Variants in CACNB1 observed in about 807,000 individuals in gnomAD.
CACNB1 encodes the protein calcium voltage-gated channel auxiliary subunit beta 1, also known as voltage-dependent L-type calcium channel subunit beta-1.
Under a neutral mutation model 71.6 loss-of-function variants are expected in CACNB1, and 29 were observed. The ratio of observed to expected loss-of-function variants is 0.40; its 90% CI spans 0.30 to 0.55. The LOEUF is 0.55. CACNB1 is among the 20% of genes least tolerant of loss of function. CACNB1 has a pLI of 0.38. For synonymous variants in CACNB1, 300 were observed against 319.6 expected (o/e 0.94, Z 0.65); for missense variants, 623 against 801.8 (o/e 0.78, Z 2.69).
At chr17:39,187,139 C>T in intron 4 of CACNB1, 1 of 614,030 alleles carries the variant, frequency 1.6e-6, no homozygotes. Context: ...CATGGACCAC[C>T]CTGCCACCGG....
intron 11 of CACNB1, among the ~76,000 whole-genome samples, chr17:39,180,262 C>CA (rs113605525): frequency 0.01 from 1,182 of 116,330 alleles, 7 homozygotes; most frequent in Middle Eastern, 0.019. Flanking sequence ...GACCCTAGCT[C>CA]AAAAAAAAAA....
chr17:39,195,990 T>C (rs1308890461), intron 1 of CACNB1, among the ~76,000 whole-genome samples: 1 of 152,172 alleles, frequency 6.6e-6, no homozygotes, highest in Non-Finnish European at 1.5e-5. Flanking sequence ...TAAGAAGAGC[T>C]GCTTCTGGCC....
rs1382155033 is a variant in CACNB1, at chr17:39,177,543, G to A, written c.1147-8C>T. On this transcript the variant is annotated splice_region_variant and splice_polypyrimidine_tract_variant and intron_variant, in intron 12 of 13. Coordinates refer to ENST00000394303, the MANE Select transcript of CACNB1 (RefSeq NM_000723.5). ...GATGATGTCAAACATTTCCTGTGAA[G>A]GCGGGGTTAGGGGGCAGGGCTGGGA... The A allele has an allele frequency of 2.5e-6, 4 of 1,574,764 alleles. No individual in the cohort carries two copies. Among genetic ancestry groups the A allele is most frequent in the Non-Finnish European group, 3.5e-6 (4 of 1,157,682 alleles).
Position 39,191,476 on chromosome 17 carries a change from T to C in CACNB1, c.289A>G (p.Lys97Glu). 6.2e-7 allele frequency: 1 copy of C among 1,602,318 alleles called. No individual in the cohort carries two copies. Among genetic ancestry groups the C allele is most frequent in the African/African-American group, 1.3e-5 (1 of 74,192 alleles). ...RQALAQLEKA[K>E]TKPVAFAVRT... ...GCCCCTCCCCACATCTTTCTCACCTTGGCCTTCTCGAGCTGCGCTAATGCC... is the reference window on the plus strand; with the variant it reads ...GCCCCTCCCCACATCTTTCTCACCTCGGCCTTCTCGAGCTGCGCTAATGCC... Residue 97 changes from lysine (K) to glutamate (E), a missense_variant and splice_region_variant, in exon 3 of 14, where the codon AAG (lysine) becomes GAG (glutamate). Coordinates refer to ENST00000394303, the MANE Select transcript of CACNB1 (RefSeq NM_000723.5).
intron 2 of CACNB1, chr17:39,193,219 C>G (rs953882458): frequency 2.1e-5 from 6 of 287,952 alleles, no homozygotes; most frequent in Non-Finnish European, 3.5e-5. Flanking sequence ...CGGGCAGACA[C>G]ACACACATAT....
rs1324019362 is a variant in CACNB1, at chr17:39,187,885, T to A, written c.292-284A>T. Among the ~76,000 whole-genome samples, 4 of 151,688 alleles carry A rather than the reference T, an allele frequency of 2.6e-5. No individual in the cohort carries two copies. The East Asian group carries it at 7.8e-4, about 29-fold the overall frequency. On this transcript the variant is annotated intron_variant, in intron 3 of 13. Transcript: ENST00000394303. The stretch of plus-strand genomic sequence containing the variant: ...AAAATTAGCCAGGCGTGGTGGTGGG[T>A]GCCTATAATCCCAGCTACTCAGGAG...
chr17:39,190,600 G>A (rs1338341720), intron 3 of CACNB1, among the ~76,000 whole-genome samples: 3 of 151,560 alleles, frequency 2.0e-5, no homozygotes, highest in Non-Finnish European at 4.4e-5. Context: ...GCTACGTTTT[G>A]TATTTTTAGT....
chr17:39,187,557 A>C lies in CACNB1; in HGVS notation c.336T>G (p.Asn112Lys), dbSNP rs775390676. 2.5e-6 allele frequency: 4 copies of C among 1,614,166 alleles called. No homozygotes were observed. Residue 112 changes from asparagine to lysine, a missense_variant, in exon 4 of 14, where the codon AAT becomes AAG. Physicochemically the swap from Asn to Lys is moderately conservative, Grantham distance 94 (BLOSUM62 0). Coordinates refer to ENST00000394303, the MANE Select transcript of CACNB1 (RefSeq NM_000723.5). ...CAGGCACCTCATCCCCTGGAGACGGATTGTAGCCAACATTTGTCCGCACAG... is the reference window on the plus strand; with the variant it reads ...CAGGCACCTCATCCCCTGGAGACGGCTTGTAGCCAACATTTGTCCGCACAG... ...AFAVRTNVGYNPSPGDEVPVQ... is the reference protein window; with the variant it reads ...AFAVRTNVGYKPSPGDEVPVQ...
In CACNB1 at chr17:39,186,441, A is replaced by G. The variant is rs2144139441; in HGVS notation, c.628+55T>C. On this transcript the variant is annotated intron_variant, in intron 6 of 13. Transcript: ENST00000394303. This position sits in a 1 kb window ranked among gnomAD's most constrained non-coding sequence, Gnocchi z 4.1. ...GGAAAGGAGGATTCAGGGAGTGGGG[A>G]GACCACCCCACCCAGGAGCTTCTTC... 7.5e-7 allele frequency: 1 copy of G among 1,325,984 alleles called. No homozygotes were observed. The highest frequency in any genetic ancestry group is 1.4e-5 in the African/African-American group (1 of 69,536). 82.1% of individuals were successfully genotyped at this position (1,325,984 alleles called of 1,614,324 possible).
In CACNB1 at chr17:39,175,243, G is replaced by A. The variant is rs554707348; in HGVS notation, c.1747C>T (p.Arg583Cys). Residue 583 changes from arginine (R) to cysteine (C), a missense_variant, in exon 14 of 14, where the codon CGC (arginine) becomes TGC (cysteine). Transcript: ENST00000394303. The surrounding 1 kb of genome is among the most constrained non-coding windows in gnomAD (Gnocchi z 4.7). Reference protein sequence around the residue: ...CAEGGGPVLGRNKNELEGWGR... With the variant: ...CAEGGGPVLGCNKNELEGWGR... ...CAGCCCTCCAGCTCATTCTTGTTGC[G>A]CCCCAAAACTGGACCCCCACCCTCA... 1.3e-4 allele frequency: 211 copies of A among 1,613,838 alleles called. 3 individuals are homozygous for A. The Middle Eastern group carries it at 3.3e-3, about 25-fold the overall frequency.
In CACNB1 at chr17:39,183,755, C is replaced by T. The variant is rs532308568; in HGVS notation, c.1008G>A (p.Ser336=). Residue 336 remains serine (S), a synonymous_variant, in exon 11 of 14, where the codon TCG becomes TCA. Transcript: ENST00000394303. The part of the protein sequence containing the change: ...INHPAQLSKT[S]LAPIIVYIKI... ...TGATGTAAACAATGATGGGGGCCAG[C>T]GAGGTCTTGGACAGCTGGGCTGGGT... The T allele has an allele frequency of 5.8e-5, 93 of 1,612,830 alleles. No homozygotes were observed. Among genetic ancestry groups the T allele is most frequent in the Admixed American group, 2.2e-4 (13 of 59,790 alleles).
In CACNB1 at chr17:39,175,040, G is replaced by A. The variant is rs1289551898; in HGVS notation, c.*153C>T. 1 of 681,956 alleles carries A rather than the reference G, an allele frequency of 1.5e-6. No homozygotes were observed. Among genetic ancestry groups the A allele is most frequent in the Admixed American group, 2.9e-5 (1 of 34,808 alleles). The allele number at this position is 681,956 out of a possible 1,614,324, so 42.2% of individuals were successfully genotyped here. On this transcript the variant is annotated 3_prime_UTR_variant, in exon 14 of 14. Coordinates refer to ENST00000394303, the MANE Select transcript of CACNB1 (RefSeq NM_000723.5). The surrounding 1 kb of genome is among the most constrained non-coding windows in gnomAD (Gnocchi z 4.7). Reference sequence around the variant, plus strand: ...TAAGGGCCTCCCGGGAGCTGGGATGGTAACACCAAAGAAACCCCAAGCTTT... The same window carrying A: ...TAAGGGCCTCCCGGGAGCTGGGATGATAACACCAAAGAAACCCCAAGCTTT...
At chr17:39,188,928 G>T (rs2046007004) in intron 3 of CACNB1, among the ~76,000 whole-genome samples, 1 of 151,616 alleles carries the variant, frequency 6.6e-6, no homozygotes, top group African/African-American at 2.4e-5. Flanking sequence ...CTGTAATCTT[G>T]GCTACTTGGG....
In CACNB1 at chr17:39,195,118, G is replaced by C. The variant is rs989797756; in HGVS notation, c.85-148C>G. ...CTGCACATTCCTCCTGAGGTGGTAC[G>C]ACCCAAGGGGAGGGAGGGTCTCCCA... On this transcript the variant is annotated intron_variant, in intron 1 of 13. Coordinates refer to ENST00000394303, the MANE Select transcript of CACNB1 (RefSeq NM_000723.5). 3.7e-5 allele frequency: 22 copies of C among 590,680 alleles called. No homozygotes were observed. The South Asian group carries it at 4.2e-4, about 11-fold the overall frequency. 36.6% of individuals were successfully genotyped at this position (590,680 alleles called of 1,614,324 possible). A position where few individuals can be genotyped will look rare whatever the true frequency, so the allele number is the denominator to read the frequency against.
Position 39,187,439 on chromosome 17 carries a change from T to A in CACNB1, c.414+40A>T, listed in dbSNP as rs745674582. ...TCCACTAGCACTCTGGCTGCCTGTCTCCTGGCACCCACTTCCCTGCCCTCC... is the reference window on the plus strand; with the variant it reads ...TCCACTAGCACTCTGGCTGCCTGTCACCTGGCACCCACTTCCCTGCCCTCC... On this transcript the variant is annotated intron_variant, in intron 4 of 13. Coordinates refer to ENST00000394303, the MANE Select transcript of CACNB1 (RefSeq NM_000723.5). 11 of 1,611,214 alleles carry A rather than the reference T, an allele frequency of 6.8e-6. No homozygotes were observed. The South Asian group carries it at 9.9e-5, about 14-fold the overall frequency.
At chr17:39,191,353 G>A in intron 3 of CACNB1, 121 bp downstream of exon 3, 2 of 909,210 alleles carry the variant, frequency 2.2e-6, no homozygotes, top group Non-Finnish European at 3.3e-6. Context: ...AGAGGAGCAA[G>A]GTTCAGGGGT....
At chr17:39,178,720 T>C (rs1597685295) in intron 11 of CACNB1, among the ~76,000 whole-genome samples, 1 of 152,268 alleles carries the variant, frequency 6.6e-6, no homozygotes, top group East Asian at 1.9e-4. Context: ...ACAACAGTCT[T>C]CCTTTATGGG....
intron 10 of CACNB1, 23 bp downstream of exon 10, chr17:39,184,008 G>A (rs755939533): frequency 2.5e-6 from 4 of 1,571,932 alleles, no homozygotes; most frequent in Non-Finnish European, 3.5e-6. Context: ...AAGGGGGAGT[G>A]AAGACAGCAG....
At chr17:39,184,652 G>A in intron 8 of CACNB1, 132 bp downstream of exon 8, 1 of 703,950 alleles carries the variant, frequency 1.4e-6, no homozygotes, top group South Asian at 1.7e-5. Flanking sequence ...TGGGCCCCCT[G>A]GGGGTTGTCT....
Sources: allele counts gnomAD v4.1 joint callset (sites outside exome capture counted in the v4.1 genomes callset), GRCh38; gene constraint gnomAD v4.1.1; non-coding constraint Gnocchi (gnomAD v3.1); transcripts MANE v1.5; gene names NCBI Gene and HGNC (gene_info 2026-07-23, HGNC 2026-07-21).